TNR: variants seen among roughly 807,000 people sequenced by gnomAD.
TNR encodes tenascin R.
A neutral mutation model predicts 150.4 loss-of-function variants in TNR; 45 were observed. That is an observed-to-expected ratio of 0.30 (90% CI 0.24 to 0.38). TNR has a LOEUF of 0.38. TNR is among the 10% of genes least tolerant of loss of function. TNR has a pLI of 1.00. For synonymous variants in TNR, 687 were observed against 678.4 expected, an observed-to-expected ratio of 1.01 and a Z score of -0.20; for missense variants, 1,544 against 1,759.1, an observed-to-expected ratio of 0.88 and a Z score of 2.19.
chr1:175,385,215 C>T (rs1184380303), intron 8 of TNR, among the ~76,000 whole-genome samples: 2 of 152,128 alleles, frequency 1.3e-5, no homozygotes, highest in Non-Finnish European at 2.9e-5. Context: ...GATCACAGGC[C>T]CTTATTGACC....
chr1:175,347,074 G>A (rs10798389), intron 18 of TNR, among the ~76,000 whole-genome samples: 99,341 of 151,968 alleles, frequency 0.65, 33,339 homozygotes, highest in East Asian at 0.77. Flanking sequence ...CTAAACGGAT[G>A]GTAGCTAACC....
intron 1 of TNR, among the ~76,000 whole-genome samples, chr1:175,589,668 T>TA (rs1283264092): frequency 2.0e-5 from 3 of 152,018 alleles, no homozygotes; most frequent in African/African-American, 7.3e-5. Context: ...TACACAGCCA[T>TA]AAAAAAGGAT....
rs575586889 is a variant in TNR, at chr1:175,597,713, G to A, written c.-164-69344C>T. On this transcript the variant is annotated intron_variant, in intron 1 of 22. Coordinates refer to ENST00000367674, the MANE Select transcript of TNR (RefSeq NM_003285.3). ...GTGTATTGGAAATGTGGGGGCATGG[G>A]GGCCCTAGTTAGCTGGACCAGTCAT... Among the ~76,000 whole-genome samples the A allele has an allele frequency of 9.9e-5, 15 of 152,220 alleles. 1 individual carries two copies. The South Asian group carries it at 2.9e-3, about 30-fold the overall frequency.
At chr1:175,448,827 G>A (rs1232797919) in intron 2 of TNR, among the ~76,000 whole-genome samples, 2 of 152,210 alleles carry the variant, frequency 1.3e-5, no homozygotes, top group African/African-American at 4.8e-5. Flanking sequence ...AGGCAGGGGA[G>A]CACAGGGAGG....
intron 1 of TNR, among the ~76,000 whole-genome samples, chr1:175,696,230 T>G (rs112417007): frequency 3.4e-5 from 5 of 145,744 alleles, no homozygotes; most frequent in African/African-American, 1.1e-4. Context: ...TTTTTTTTTT[T>G]TTTTTTTTTT....
chr1:175,338,202 C>T (rs538187238), intron 18 of TNR, among the ~76,000 whole-genome samples: 33 of 152,310 alleles, frequency 2.2e-4, no homozygotes, highest in African/African-American at 7.9e-4. Flanking sequence ...ACAAGCTCGG[C>T]ATTAGCAAGA....
In TNR at chr1:175,556,515, C is replaced by A. The variant is rs1035179807; in HGVS notation, c.-164-28146G>T. ...TTTTCTGGCAAGACTCCTGGTGTAG[C>A]CTGTCCTGTCTTCAAGCAGGACCCC... is the stretch of plus-strand genomic sequence containing the variant. On this transcript the variant is annotated intron_variant, in intron 1 of 22. Coordinates refer to ENST00000367674, the MANE Select transcript of TNR (RefSeq NM_003285.3). 3.3e-5 allele frequency: 5 copies of A among 151,986 alleles called. No homozygotes were observed. The East Asian group carries it at 9.7e-4, about 29-fold the overall frequency. 9.4% of individuals were successfully genotyped at this position (151,986 alleles called of 1,614,324 possible).
intron 1 of TNR, among the ~76,000 whole-genome samples, chr1:175,656,129 G>C (rs1212186353): frequency 1.3e-5 from 2 of 150,078 alleles, no homozygotes; most frequent in Middle Eastern, 3.2e-3. Flanking sequence ...GGAAGACGGG[G>C]AGGAAGGTTG....
At position 175,321,144 on chromosome 1, in the gene TNR, G is replaced by C. The variant is rs531778772; in HGVS notation, c.*2213C>G. The C allele has an allele frequency of 6.6e-6, 1 of 152,246 alleles. No individual in the cohort carries two copies. The highest frequency in any genetic ancestry group is 1.5e-5 in the Non-Finnish European group (1 of 68,022). The allele number at this position is 152,246 out of a possible 1,614,324, so 9.4% of individuals were successfully genotyped here. ...TAGGTAAGTCTTCTGTAATTTACAT[G>C]CTTGTTGAAAGGATCTGTTTCTGTT... On this transcript the variant is annotated 3_prime_UTR_variant, in exon 23 of 23. Transcript: ENST00000367674.
chr1:175,688,699 G>A (rs1404777468), intron 1 of TNR, among the ~76,000 whole-genome samples: 1 of 152,200 alleles, frequency 6.6e-6, no homozygotes, highest in Admixed American at 6.5e-5. Context: ...ACAGAATTCA[G>A]AAGCAACATG....
chr1:175,721,891 CCT>C (rs1558090965), intron 1 of TNR, among the ~76,000 whole-genome samples: 1 of 148,512 alleles, frequency 6.7e-6, no homozygotes, highest in East Asian at 2.1e-4. Flanking sequence ...ATGTGCTTCC[CCT>C]CTCTTGCAAT....
chr1:175,713,446 T>C (rs1304896950), intron 1 of TNR, among the ~76,000 whole-genome samples: 2 of 152,224 alleles, frequency 1.3e-5, no homozygotes, highest in African/African-American at 4.8e-5. Context: ...CCATTCACTA[T>C]TTCTATAGAA....
At chr1:175,401,800 C>A (rs917362788) in intron 4 of TNR, among the ~76,000 whole-genome samples, 1 of 152,136 alleles carries the variant, frequency 6.6e-6, no homozygotes, top group African/African-American at 2.4e-5. Flanking sequence ...TCAGCAAATT[C>A]CTAAAATTGC....
In TNR at chr1:175,315,468, CTTT is replaced by C. The variant is rs1368890078; in HGVS notation, c.*7886_*7888del. On this transcript the variant is annotated 3_prime_UTR_variant, in exon 23 of 23. Transcript: ENST00000367674. Reference sequence around the variant, plus strand: ...TTTTTTTTTCTTCCTTCCAGTCTTTCTTTTAAGTAAGCGCTTTTTCAAGCTCAT... The same window carrying C: ...TTTTTTTTTCTTCCTTCCAGTCTTTCTAAGTAAGCGCTTTTTCAAGCTCAT... The C allele has an allele frequency of 2.0e-5, 3 of 151,152 alleles. No individual in the cohort carries two copies. The South Asian group carries it at 6.2e-4, about 31-fold the overall frequency. 9.4% of individuals were successfully genotyped at this position (151,152 alleles called of 1,614,324 possible). A position where few individuals can be genotyped will look rare whatever the true frequency, so the allele number is the denominator to read the frequency against.
intron 1 of TNR, among the ~76,000 whole-genome samples, chr1:175,609,968 T>C (rs1328044262): frequency 6.6e-6 from 1 of 152,206 alleles, no homozygotes; most frequent in East Asian, 1.9e-4. Context: ...ACAAACATGT[T>C]GGAGTTTGGG....
chr1:175,415,975 C>A (rs1654421862), intron 2 of TNR, among the ~76,000 whole-genome samples: 1 of 152,132 alleles, frequency 6.6e-6, no homozygotes, highest in Non-Finnish European at 1.5e-5. Context: ...GATAGAAAGT[C>A]TGTCTTGTAA....
At chr1:175,579,913 A>T (rs1662281647) in intron 1 of TNR, among the ~76,000 whole-genome samples, 1 of 151,910 alleles carries the variant, frequency 6.6e-6, no homozygotes, top group Non-Finnish European at 1.5e-5. Flanking sequence ...TTCAGTTTTT[A>T]AGGAGGCTAT....
At chr1:175,585,556 T>A (rs567518473) in intron 1 of TNR, among the ~76,000 whole-genome samples, 1 of 152,316 alleles carries the variant, frequency 6.6e-6, no homozygotes, top group East Asian at 1.9e-4. Flanking sequence ...AGAGCTGGGA[T>A]TCAGACTTGT....
At chr1:175,735,091 G>A (rs1464147110) in intron 1 of TNR, among the ~76,000 whole-genome samples, 2 of 152,194 alleles carry the variant, frequency 1.3e-5, no homozygotes, top group Non-Finnish European at 2.9e-5. Context: ...TCACCGTGAG[G>A]AGACAGTCCC....
Sources: gnomAD v4.1 joint callset for allele counts (sites outside exome capture counted in the v4.1 genomes callset) on GRCh38, gnomAD v4.1.1 for gene constraint, MANE v1.5 for transcripts, NCBI Gene and HGNC (gene_info 2026-07-23, HGNC 2026-07-21) for gene names.